The following MEGF9 variants were observed in gnomAD, a reference collection of about 807,000 sequenced individuals.
The protein encoded by MEGF9 is multiple epidermal growth factor-like domains protein 9.
In MEGF9, 6 loss-of-function variants were observed where a neutral mutation model predicts 46.8. That is an observed-to-expected ratio of 0.13 (90% CI 0.07 to 0.25). The LOEUF is 0.25. Among genes scored for constraint, MEGF9 ranks in the 10% least tolerant of loss-of-function variants. The pLI is 1.00. For missense variants in MEGF9, 683 were observed against 792.4 expected, an observed-to-expected ratio of 0.86 and a Z score of 1.66; for synonymous variants, 302 against 330.7, an observed-to-expected ratio of 0.91 and a Z score of 0.94.
Position 120,713,953 on chromosome 9 carries a change from TG to T in MEGF9, c.405del (p.Thr136ProfsTer25). On this transcript the variant is annotated frameshift_variant, in exon 1 of 6. Transcript: ENST00000373930. LOFTEE classifies it high-confidence loss of function. ...GCGGGTCTGGTCGGCGCCTGAGAGG[TG>T]GTCGAAGTGCGTTCCGCCGCCGGAG... The part of the protein sequence containing the change: ...TTPPAAERTS[T>X]TSQAPTRPAP... 1 of 1,378,602 alleles carries T rather than the reference TG, an allele frequency of 7.3e-7. No individual in the cohort carries two copies. Among genetic ancestry groups the T allele is most frequent in the Non-Finnish European group, 9.4e-7 (1 of 1,062,360 alleles). The allele number at this position is 1,378,602 out of a possible 1,614,324, so 85.4% of individuals were successfully genotyped here.
In MEGF9 at chr9:120,603,493, G is replaced by A. The variant is rs534854642; in HGVS notation, c.*1697C>T. 3 of 152,168 alleles carry A rather than the reference G, an allele frequency of 2.0e-5. No individual in the cohort carries two copies. Among genetic ancestry groups the A allele is most frequent in the Non-Finnish European group, 4.4e-5 (3 of 68,022 alleles). 9.4% of individuals were successfully genotyped at this position (152,168 alleles called of 1,614,324 possible). A position where few individuals can be genotyped will look rare whatever the true frequency, so the allele number is the denominator to read the frequency against. On this transcript the variant is annotated 3_prime_UTR_variant, in exon 6 of 6. Transcript: ENST00000373930. The stretch of plus-strand genomic sequence containing the variant: ...GAACAACTTAGGGGTCTCCTATAAA[G>A]GGATGACCAAGTTCTAGGTTTTTCT...
rs1309039615 is a variant in MEGF9 at position 120,605,463 on chromosome 9, T to C, written c.1536A>G (p.Gln512=). Residue 512 remains glutamine (Q), a synonymous_variant, in exon 6 of 6, where the codon CAA becomes CAG. Coordinates refer to ENST00000373930, the MANE Select transcript of MEGF9 (RefSeq NM_001080497.3). This position sits in a 1 kb window ranked among gnomAD's most constrained non-coding sequence, Gnocchi z 4.0. The part of the protein sequence containing the change: ...TSALADVSWT[Q]FNIIILTVII... The stretch of plus-strand genomic sequence containing the variant: ...TGACTGTCAAAATGATGATGTTAAA[T>C]TGGGTCCATGATACATCAGCTAAAG... 1 of 1,613,998 alleles carries C rather than the reference T, an allele frequency of 6.2e-7. No individual in the cohort carries two copies. Among genetic ancestry groups the C allele is most frequent in the Middle Eastern group, 1.6e-4 (1 of 6,062 alleles).
chr9:120,674,880 ATTT>A (rs35813407), intron 1 of MEGF9, among the ~76,000 whole-genome samples: 1 of 135,748 alleles, frequency 7.4e-6, no homozygotes, highest in Non-Finnish European at 1.5e-5. Context: ...AGCAGTTTCT[ATTT>A]TTTTTTTTTT....
intron 2 of MEGF9, among the ~76,000 whole-genome samples, chr9:120,641,100 T>C (rs2043601016): frequency 6.6e-6 from 1 of 152,200 alleles, no homozygotes; most frequent in South Asian, 2.1e-4. Flanking sequence ...TCTTTATCCA[T>C]TCTACAATTT....
chr9:120,622,139 T>C (rs1363365453), intron 3 of MEGF9, among the ~76,000 whole-genome samples: 1 of 152,210 alleles, frequency 6.6e-6, no homozygotes, highest in Non-Finnish European at 1.5e-5. Context: ...ATCTTTTGCA[T>C]AGTCGGCTAA....
chr9:120,637,956 T>C (rs1401868172), intron 2 of MEGF9, among the ~76,000 whole-genome samples: 1 of 152,124 alleles, frequency 6.6e-6, no homozygotes, highest in African/African-American at 2.4e-5. Context: ...TTTGTAACCA[T>C]TGTAAAAGAG....
At position 120,601,583 on chromosome 9, in the gene MEGF9, G is replaced by A. The variant is rs1422485838; in HGVS notation, c.*3607C>T. ...ATAATTTGAGGTGTCTACAAATGTTGTCTAAAAAACCTCTCTCCTCTCATC... is the reference window on the plus strand; with the variant it reads ...ATAATTTGAGGTGTCTACAAATGTTATCTAAAAAACCTCTCTCCTCTCATC... On this transcript the variant is annotated 3_prime_UTR_variant, in exon 6 of 6. Transcript: ENST00000373930. The A allele has an allele frequency of 6.6e-6, 1 of 152,108 alleles. No homozygotes were observed. The highest frequency in any genetic ancestry group is 2.4e-5 in the African/African-American group (1 of 41,408). The allele number at this position is 152,108 out of a possible 1,614,324, so 9.4% of individuals were successfully genotyped here.
chr9:120,649,594 G>T (rs969135640), intron 2 of MEGF9, among the ~76,000 whole-genome samples: 6 of 152,096 alleles, frequency 3.9e-5, no homozygotes, highest in Non-Finnish European at 7.4e-5. Context: ...CCCTAAACTG[G>T]AATAACTAGG....
At chr9:120,707,791 C>T (rs1025709809) in intron 1 of MEGF9, among the ~76,000 whole-genome samples, 3 of 152,056 alleles carry the variant, frequency 2.0e-5, no homozygotes, top group African/African-American at 7.2e-5. Context: ...ACCTGTAATC[C>T]CAGCACTTTG....
At chr9:120,709,840 G>A (rs1356016790) in intron 1 of MEGF9, among the ~76,000 whole-genome samples, 2 of 152,016 alleles carry the variant, frequency 1.3e-5, no homozygotes, top group Non-Finnish European at 2.9e-5. Context: ...CCTGAGGTCA[G>A]AAGTTCGAGA....
In MEGF9 at chr9:120,604,131, A is replaced by C. The variant is rs963281982; in HGVS notation, c.*1059T>G. On this transcript the variant is annotated 3_prime_UTR_variant, in exon 6 of 6. Coordinates refer to ENST00000373930, the MANE Select transcript of MEGF9 (RefSeq NM_001080497.3). ...CATCCTATGTCCCAGCTTAACGATTACTGACTTCAAAATCTATTGCTTGAA... is the reference window on the plus strand; with the variant it reads ...CATCCTATGTCCCAGCTTAACGATTCCTGACTTCAAAATCTATTGCTTGAA... 2 of 152,670 alleles carry C rather than the reference A, an allele frequency of 1.3e-5. No individual in the cohort carries two copies. Among genetic ancestry groups the C allele is most frequent in the Non-Finnish European group, 2.9e-5 (2 of 68,040 alleles). The allele number at this position is 152,670 out of a possible 1,614,324, so 9.5% of individuals were successfully genotyped here.
chr9:120,633,018 CTA>C (rs1192357255), intron 2 of MEGF9, among the ~76,000 whole-genome samples: 1 of 152,012 alleles, frequency 6.6e-6, no homozygotes, highest in African/African-American at 2.4e-5. Context: ...ATTTATGAGC[CTA>C]TGTTATTCAG....
chr9:120,624,377 G>A (rs1162941351), intron 2 of MEGF9, among the ~76,000 whole-genome samples: 4 of 151,908 alleles, frequency 2.6e-5, no homozygotes, highest in Non-Finnish European at 5.9e-5. Context: ...ACAGGTATGC[G>A]CCACCACATC....
chr9:120,681,897 G>A (rs2043800184), intron 1 of MEGF9, among the ~76,000 whole-genome samples: 1 of 152,170 alleles, frequency 6.6e-6, no homozygotes, highest in Non-Finnish European at 1.5e-5. Flanking sequence ...AAAGGGACTT[G>A]GGTGCAAATC....
At chr9:120,667,785 G>A (rs1440667962) in intron 1 of MEGF9, among the ~76,000 whole-genome samples, 1 of 152,190 alleles carries the variant, frequency 6.6e-6, no homozygotes, top group Non-Finnish European at 1.5e-5. Flanking sequence ...CAGCACTTTG[G>A]GAGGCCAAGG....
Position 120,607,745 on chromosome 9 carries a change from C to G in MEGF9, c.1353G>C (p.Lys451Asn), listed in dbSNP as rs765853987. 5 of 1,609,246 alleles carry G rather than the reference C, an allele frequency of 3.1e-6. No individual in the cohort carries two copies. The highest frequency in any genetic ancestry group is 3.4e-6 in the Non-Finnish European group (4 of 1,175,728). The change falls in exon 5 of 6, where the codon AAG (lysine) becomes AAC (asparagine). Residue 451 changes from lysine to asparagine, a missense_variant. Lys to Asn is a moderately conservative substitution (Grantham distance 94). Coordinates refer to ENST00000373930, the MANE Select transcript of MEGF9 (RefSeq NM_001080497.3). ...YVHDLEGNCI[K>N]KEVILPTPEG... Reference sequence around the variant, plus strand: ...ATCACTTAGGTGAAGTTTTACCTTTCTTGATGCAATTTCCCTCGAGGTCGT... The same window carrying G: ...ATCACTTAGGTGAAGTTTTACCTTTGTTGATGCAATTTCCCTCGAGGTCGT...
At chr9:120,673,495 G>C (rs1564425250) in intron 1 of MEGF9, among the ~76,000 whole-genome samples, 1 of 150,944 alleles carries the variant, frequency 6.6e-6, no homozygotes, top group South Asian at 2.1e-4. Flanking sequence ...AAAGCCAATG[G>C]AATAGAGAGC....
At chr9:120,713,389 G>A (rs988961939) in intron 1 of MEGF9, among the ~76,000 whole-genome samples, 1 of 152,162 alleles carries the variant, frequency 6.6e-6, no homozygotes, top group African/African-American at 2.4e-5. Context: ...GTTGAAGGAG[G>A]TACTATGCGG....
chr9:120,622,123 C>G (rs897967316), intron 3 of MEGF9, among the ~76,000 whole-genome samples: 1 of 152,182 alleles, frequency 6.6e-6, no homozygotes, highest in Non-Finnish European at 1.5e-5. Flanking sequence ...TCTGGCCCAG[C>G]CTTCCATCTT....
Sources: allele counts gnomAD v4.1 joint callset (sites outside exome capture counted in the v4.1 genomes callset), GRCh38; gene constraint gnomAD v4.1.1; non-coding constraint Gnocchi (gnomAD v3.1); transcripts MANE v1.5; gene names NCBI Gene and HGNC (gene_info 2026-07-23, HGNC 2026-07-21).